The following MAST4 variants were observed in gnomAD, a reference collection of about 807,000 sequenced individuals.
MAST4 encodes the protein microtubule-associated serine/threonine-protein kinase 4.
A neutral mutation model predicts 162.7 loss-of-function variants in MAST4; 89 were observed. The ratio of observed to expected loss-of-function variants is 0.55; its 90% CI spans 0.46 to 0.65. The LOEUF is 0.65. Ranked by LOEUF, MAST4 falls within the 30% of genes least tolerant of loss-of-function variation. The pLI is 0.00. For synonymous variants in MAST4, 1,479 were observed against 1,361.1 expected (o/e 1.09, Z -1.91); for missense variants, 3,153 against 3,374.0 (o/e 0.93, Z 1.62).
chr5:66,911,546 CA>C (rs1763760896), intron 4 of MAST4, among the ~76,000 whole-genome samples: 2 of 88,870 alleles, frequency 2.3e-5, no homozygotes, highest in East Asian at 4.5e-4. Context: ...TACAAACAAA[CA>C]AACAACAACA....
intron 3 of MAST4, among the ~76,000 whole-genome samples, chr5:66,828,107 G>A (rs780487110): frequency 3.9e-5 from 6 of 152,082 alleles, no homozygotes; most frequent in African/African-American, 1.2e-4. Flanking sequence ...TTTTGGTCAG[G>A]TATCAGCAGA....
intron 3 of MAST4, among the ~76,000 whole-genome samples, chr5:66,869,066 G>GT (rs1472599193): frequency 6.6e-6 from 1 of 152,164 alleles, no homozygotes; most frequent in East Asian, 1.9e-4. Flanking sequence ...TTCCCGATGA[G>GT]TAGGAGCCTG....
Position 67,166,380 on chromosome 5 carries a change from A to G in MAST4, c.7201A>G (p.Lys2401Glu), listed in dbSNP as rs750688934. ...LSFVHSENRL[K>E]GAERPAAGVG... ...CTTTGTGCATAGCGAGAACCGGTTGAAAGGCGCGGAGCGGCCAGCCGCGGG... is the reference window on the plus strand; with the variant it reads ...CTTTGTGCATAGCGAGAACCGGTTGGAAGGCGCGGAGCGGCCAGCCGCGGG... Residue 2401 changes from lysine (K) to glutamate (E), a missense_variant, in exon 29 of 29, where the codon AAA (lysine) becomes GAA (glutamate). Physicochemically the swap from Lys to Glu is moderately conservative, Grantham distance 56. Coordinates refer to ENST00000403625, the MANE Select transcript of MAST4 (RefSeq NM_001164664.2). 79 of 1,611,210 alleles carry G rather than the reference A, an allele frequency of 4.9e-5. No homozygotes were observed. Among genetic ancestry groups the G allele is most frequent in the Non-Finnish European group, 6.6e-5 (78 of 1,178,626 alleles).
Position 66,741,244 on chromosome 5 carries a change from A to T in MAST4, c.364-18465A>T, listed in dbSNP as rs951959501. On this transcript the variant is annotated intron_variant, in intron 1 of 28. Transcript: ENST00000403625. ...CTCTGGTCACTAATATGATAGACTA[A>T]CCCTCATTCTTTGTCGCATCTCCTG... Among the ~76,000 whole-genome samples, 6 of 152,176 alleles carry T rather than the reference A, an allele frequency of 3.9e-5. No individual in the cohort carries two copies. In the East Asian group the frequency reaches 5.8e-4, roughly 15 times the overall value.
At chr5:66,784,026 C>A (rs533961621) in intron 2 of MAST4, among the ~76,000 whole-genome samples, 1 of 152,112 alleles carries the variant, frequency 6.6e-6, no homozygotes, top group African/African-American at 2.4e-5. Flanking sequence ...CTCCCACTGG[C>A]AGGGAGCCTT....
chr5:66,961,151 C>T (rs1221445465), intron 4 of MAST4, among the ~76,000 whole-genome samples: 1 of 152,200 alleles, frequency 6.6e-6, no homozygotes, highest in Non-Finnish European at 1.5e-5. Context: ...GCTAACTTTA[C>T]ATTCACTCAT....
intron 1 of MAST4, among the ~76,000 whole-genome samples, chr5:66,673,023 C>T (rs551830974): frequency 4.6e-5 from 7 of 152,122 alleles, no homozygotes; most frequent in Admixed American, 3.3e-4. Flanking sequence ...TTTTAATTAG[C>T]GTTTCTCTAA....
chr5:66,775,492 G>A (rs1481352744), intron 2 of MAST4, among the ~76,000 whole-genome samples: 1 of 152,172 alleles, frequency 6.6e-6, no homozygotes, highest in African/African-American at 2.4e-5. Context: ...ATGAATTCCA[G>A]CCCTACACCT....
At chr5:67,054,165 A>G (rs1359193775) in intron 4 of MAST4, among the ~76,000 whole-genome samples, 1 of 152,200 alleles carries the variant, frequency 6.6e-6, no homozygotes, top group Non-Finnish European at 1.5e-5. Flanking sequence ...AAGGCATTTG[A>G]TTATTGCTCC....
intron 2 of MAST4, among the ~76,000 whole-genome samples, chr5:66,765,993 G>A (rs1279757844): frequency 6.6e-6 from 1 of 152,206 alleles, no homozygotes; most frequent in Admixed American, 6.5e-5. Flanking sequence ...GAAGCCTCAT[G>A]TAAACATTGA....
rs752306206 is a variant in MAST4 at position 67,165,480 on chromosome 5, AAG to A, written c.6304_6305del (p.Ser2102Ter). On this transcript the variant is annotated frameshift_variant, in exon 29 of 29. Coordinates refer to ENST00000403625, the MANE Select transcript of MAST4 (RefSeq NM_001164664.2). LOFTEE classifies it low-confidence loss of function (END_TRUNC). Reference sequence around the variant, plus strand: ...GCAGCCACCTGGAATTGAGAGTGAGAAGAGTGAAAAGCTCTCCAGTTTCCCAT... The same window carrying A: ...GCAGCCACCTGGAATTGAGAGTGAGAAGTGAAAAGCTCTCCAGTTTCCCAT... ...SLQPPGIESE[K>X]SEKLSSFPSL... 6.2e-7 allele frequency: 1 copy of A among 1,613,906 alleles called. No individual in the cohort carries two copies. The highest frequency in any genetic ancestry group is 1.1e-5 in the South Asian group (1 of 91,088).
At chr5:66,838,649 C>T (rs986579389) in intron 3 of MAST4, among the ~76,000 whole-genome samples, 5 of 152,100 alleles carry the variant, frequency 3.3e-5, no homozygotes, top group Admixed American at 2.6e-4. Flanking sequence ...GGAAGGAAGC[C>T]GGGAAGCCTT....
rs1773335581 is a variant in MAST4, at chr5:67,162,708, G to C, written c.3887G>C (p.Ser1296Thr). ...AACAGATCCCTGTCATCGGGTGAGA[G>C]CCTCCCAGGTTCCCCCACTCATAGC... ...CLNRSLSSGE[S>T]LPGSPTHSLS... The change falls in exon 28 of 29, where the codon AGC (serine) becomes ACC (threonine). Residue 1296 changes from serine to threonine, a missense_variant. By Grantham distance (58) the Ser-to-Thr change is moderately conservative. Coordinates refer to ENST00000403625, the MANE Select transcript of MAST4 (RefSeq NM_001164664.2). The C allele has an allele frequency of 1.2e-6, 2 of 1,613,700 alleles. No homozygotes were observed. Among genetic ancestry groups the C allele is most frequent in the Non-Finnish European group, 1.7e-6 (2 of 1,179,864 alleles).
chr5:66,642,637 T>C (rs1745561656), intron 1 of MAST4, among the ~76,000 whole-genome samples: 1 of 152,178 alleles, frequency 6.6e-6, no homozygotes, highest in Non-Finnish European at 1.5e-5. Context: ...ATTTCTCTAC[T>C]TGAAGTTGTT....
At chr5:66,743,169 A>G (rs140665981) in intron 1 of MAST4, among the ~76,000 whole-genome samples, 24 of 152,024 alleles carry the variant, frequency 1.6e-4, no homozygotes, top group East Asian at 1.9e-4. Flanking sequence ...TCTCTGTCCC[A>G]TCTCCTGCTT....
intron 3 of MAST4, among the ~76,000 whole-genome samples, chr5:66,816,011 A>G (rs1354513872): frequency 2.6e-5 from 4 of 152,232 alleles, no homozygotes; most frequent in African/African-American, 7.2e-5. Flanking sequence ...AAGCCAGGAT[A>G]GACAGGACTT....
chr5:67,015,178 C>A (rs915594810), intron 4 of MAST4, among the ~76,000 whole-genome samples: 2 of 152,132 alleles, frequency 1.3e-5, no homozygotes, highest in African/African-American at 4.8e-5. Context: ...GAAGTTACTT[C>A]TAAACACTTA....
intron 2 of MAST4, among the ~76,000 whole-genome samples, chr5:66,788,347 C>G (rs1049070498): frequency 3.3e-5 from 5 of 152,162 alleles, no homozygotes; most frequent in Admixed American, 3.3e-4. Context: ...TTCTGTGATG[C>G]TGAGAATGCT....
intron 1 of MAST4, among the ~76,000 whole-genome samples, chr5:66,632,295 G>C (rs1744839703): frequency 6.6e-6 from 1 of 152,118 alleles, no homozygotes; most frequent in African/African-American, 2.4e-5. Flanking sequence ...TACTGGAGTG[G>C]TAGAAATCTG....
Sources: gnomAD v4.1 joint callset for allele counts (sites outside exome capture counted in the v4.1 genomes callset) on GRCh38, gnomAD v4.1.1 for gene constraint, MANE v1.5 for transcripts, NCBI Gene and HGNC (gene_info 2026-07-23, HGNC 2026-07-21) for gene names.